Variants in NLGN1 observed in about 807,000 individuals in gnomAD.
NLGN1 encodes the protein neuroligin 1.
NLGN1 carries 12 observed loss-of-function variants against 65.5 expected under a neutral mutation model. The ratio of observed to expected loss-of-function variants is 0.18; its 90% CI spans 0.12 to 0.30. The LOEUF (loss-of-function observed/expected upper bound fraction) is 0.30, where lower values mean the gene tolerates loss of function less well. NLGN1 is among the 10% of genes least tolerant of loss of function. The pLI, the probability that NLGN1 is intolerant of heterozygous loss-of-function variation, is 1.00. For synonymous variants in NLGN1, 350 were observed against 359.5 expected, an observed-to-expected ratio of 0.97 and a Z score of 0.30; for missense variants, 750 against 1,007.1, an observed-to-expected ratio of 0.74 and a Z score of 3.46.
intron 4 of NLGN1, among the ~76,000 whole-genome samples, chr3:173,929,025 T>G (rs188894852): frequency 1.3e-5 from 2 of 152,334 alleles, no homozygotes; most frequent in Admixed American, 1.3e-4. Context: ...TCGATTATTA[T>G]AAATCCTATT....
intron 4 of NLGN1, among the ~76,000 whole-genome samples, chr3:174,134,246 AT>A (rs1477706461): frequency 1.3e-5 from 2 of 152,206 alleles, no homozygotes; most frequent in African/African-American, 4.8e-5. Context: ...TTTGCAAAAC[AT>A]TAAGGAGTGA....
In NLGN1 at chr3:174,239,230, G is replaced by A. The variant is rs151051373; in HGVS notation, c.647-36085G>A. On this transcript the variant is annotated intron_variant, in intron 4 of 6. Transcript: ENST00000457714. ...ATTACAAGCATGCGCCACCACACTC[G>A]GCTAACTTTTGTGTTTTTAGTAGAG... Among the ~76,000 whole-genome samples, 45 of 151,992 alleles carry A rather than the reference G, an allele frequency of 3.0e-4. No homozygotes were observed. In the East Asian group the frequency reaches 8.2e-3, roughly 28 times the overall value.
chr3:173,981,526 A>AGG (rs1052236304), intron 4 of NLGN1, among the ~76,000 whole-genome samples: 3 of 152,150 alleles, frequency 2.0e-5, no homozygotes, highest in African/African-American at 4.8e-5. Context: ...ACATTAAAGC[A>AGG]GGGATCCCAT....
At chr3:174,250,496 T>C (rs1744571356) in intron 4 of NLGN1, among the ~76,000 whole-genome samples, 1 of 152,194 alleles carries the variant, frequency 6.6e-6, no homozygotes, top group African/African-American at 2.4e-5. Flanking sequence ...AGCGAGCATC[T>C]GTTGCAGAGG....
intron 4 of NLGN1, among the ~76,000 whole-genome samples, chr3:174,131,279 T>A (rs2152671345): frequency 6.6e-6 from 1 of 152,324 alleles, no homozygotes; most frequent in African/African-American, 2.4e-5. Flanking sequence ...TTTTTATGTA[T>A]GCACTACTCT....
At chr3:173,549,031 T>A (rs1451009851) in intron 2 of NLGN1, among the ~76,000 whole-genome samples, 1 of 152,062 alleles carries the variant, frequency 6.6e-6, no homozygotes, top group Non-Finnish European at 1.5e-5. Flanking sequence ...TTCTATATTA[T>A]GTCATTTTTA....
At position 173,501,259 on chromosome 3, in the gene NLGN1, G is replaced by A. The variant is rs898040737; in HGVS notation, c.-321+66181G>A. 4.0e-5 allele frequency among the ~76,000 whole-genome samples: 6 copies of A among 151,848 alleles called. No homozygotes were observed. The South Asian group carries it at 1.0e-3, about 26-fold the overall frequency. On this transcript the variant is annotated intron_variant, in intron 2 of 6. Transcript: ENST00000457714. Reference sequence around the variant, plus strand: ...TTTATCCTGATGCTCTCCCTCCCCCGGCAGTCCACCAGCAGGTTCCAGTGT... The same window carrying A: ...TTTATCCTGATGCTCTCCCTCCCCCAGCAGTCCACCAGCAGGTTCCAGTGT...
intron 2 of NLGN1, among the ~76,000 whole-genome samples, chr3:173,583,554 A>G (rs1222242012): frequency 1.3e-5 from 2 of 152,206 alleles, no homozygotes; most frequent in Non-Finnish European, 2.9e-5. Flanking sequence ...GCTTGCAGCT[A>G]CAGAACCCCT....
intron 4 of NLGN1, among the ~76,000 whole-genome samples, chr3:174,111,704 G>C (rs1166544948): frequency 2.0e-5 from 3 of 151,876 alleles, no homozygotes; most frequent in Non-Finnish European, 4.4e-5. Flanking sequence ...ACACTTGGTA[G>C]GGGAAGGAAG....
At chr3:173,586,627 T>G (rs554498399) in intron 2 of NLGN1, among the ~76,000 whole-genome samples, 1 of 152,358 alleles carries the variant, frequency 6.6e-6, no homozygotes, top group Non-Finnish European at 1.5e-5. Context: ...AGACGTTGTG[T>G]AGGCTTATTT....
chr3:173,764,818 AATC>A (rs1325357043), intron 3 of NLGN1, among the ~76,000 whole-genome samples: 1 of 152,142 alleles, frequency 6.6e-6, no homozygotes, highest in Non-Finnish European at 1.5e-5. Flanking sequence ...ATTTATAAAA[AATC>A]ATATTAGTAT....
chr3:173,838,548 G>A (rs1724114577), intron 4 of NLGN1, among the ~76,000 whole-genome samples: 1 of 152,022 alleles, frequency 6.6e-6, no homozygotes, highest in Admixed American at 6.6e-5. Context: ...TAGAACATAC[G>A]CTTAATAAGA....
At chr3:173,513,800 C>T (rs1003238626) in intron 2 of NLGN1, among the ~76,000 whole-genome samples, 29 of 151,858 alleles carry the variant, frequency 1.9e-4, no homozygotes, top group Admixed American at 1.8e-3. Context: ...CCGAGGCGGG[C>T]GGATCACTTG....
At chr3:173,536,335 G>A (rs529139909) in intron 2 of NLGN1, among the ~76,000 whole-genome samples, 25 of 152,164 alleles carry the variant, frequency 1.6e-4, no homozygotes, top group Admixed American at 1.2e-3. Context: ...GTGATGTTCC[G>A]TTTTCTTTGA....
rs1316237838 is a variant in NLGN1, at chr3:173,514,942, T to G, written c.-321+79864T>G. Among the ~76,000 whole-genome samples the G allele has an allele frequency of 3.9e-5, 6 of 152,216 alleles. No individual in the cohort carries two copies. The East Asian group carries it at 1.2e-3, about 29-fold the overall frequency. On this transcript the variant is annotated intron_variant, in intron 2 of 6. Transcript: ENST00000457714. ...ACATCTAGATTGTTTTACATTTGGC[T>G]ATTGTGAATAGTACTGAAATAAATA...
chr3:174,283,716 A>T (rs914100446), exon 7 of NLGN1: 6 of 151,444 alleles, frequency 4.0e-5, no homozygotes, highest in Non-Finnish European at 5.9e-5. Context: ...ATTAAAAAAA[A>T]GTCTCTGTTA....
Position 173,763,015 on chromosome 3 carries a change from C to A in NLGN1, c.494-44665C>A, listed in dbSNP as rs138947879. On this transcript the variant is annotated intron_variant, in intron 3 of 6. Coordinates refer to ENST00000457714, the Ensembl canonical transcript of NLGN1. ...ACACACACACAGAATCTTTGACAGT[C>A]ATGAGGCATATGATTTCATGTTCCT... Among the ~76,000 whole-genome samples, 27 of 143,560 alleles carry A rather than the reference C, an allele frequency of 1.9e-4. No homozygotes were observed. The Admixed American group carries it at 1.9e-3, about 10-fold the overall frequency. The allele number at this position is 143,560 out of a possible 152,430, so 94.2% of individuals were successfully genotyped here.
At chr3:173,489,744 C>G (rs1344046687) in intron 2 of NLGN1, among the ~76,000 whole-genome samples, 1 of 151,750 alleles carries the variant, frequency 6.6e-6, no homozygotes, top group Non-Finnish European at 1.5e-5. Flanking sequence ...TCTCCAGCAC[C>G]TGTTGTTTCC....
chr3:174,210,817 G>A (rs145568249), intron 4 of NLGN1, among the ~76,000 whole-genome samples: 1 of 152,324 alleles, frequency 6.6e-6, no homozygotes, highest in East Asian at 1.9e-4. Context: ...GGTCCCATAA[G>A]ATTATAACAC....
Sources: gnomAD v4.1 joint callset for allele counts (sites outside exome capture counted in the v4.1 genomes callset) on GRCh38, gnomAD v4.1.1 for gene constraint, MANE v1.5 for transcripts, NCBI Gene and HGNC (gene_info 2026-07-23, HGNC 2026-07-21) for gene names.